KIAA1549L: variants seen among roughly 807,000 people sequenced by gnomAD.
The protein encoded by KIAA1549L is KIAA1549 like, also known as UPF0606 protein KIAA1549L.
In KIAA1549L, 88 loss-of-function variants were observed where a neutral mutation model predicts 160.7. The observed-to-expected ratio is 0.55, with a 90% CI of 0.46 to 0.65. The LOEUF (loss-of-function observed/expected upper bound fraction) is 0.65, where lower values mean the gene tolerates loss of function less well. KIAA1549L is among the 30% of genes least tolerant of loss of function. KIAA1549L has a pLI of 0.00. For missense variants in KIAA1549L, 2,258 were observed against 2,437.5 expected (o/e 0.93, Z 1.55); for synonymous variants, 950 against 976.7 (o/e 0.97, Z 0.51).
intron 16 of KIAA1549L, among the ~76,000 whole-genome samples, chr11:33,633,021 G>A (rs1851340500): frequency 6.6e-6 from 1 of 151,822 alleles, no homozygotes; most frequent in Non-Finnish European, 1.5e-5. Context: ...TGTTGCCCAG[G>A]CTGGAGTGCA....
chr11:33,384,573 T>C (rs930096202), intron 1 of KIAA1549L, among the ~76,000 whole-genome samples: 2 of 152,260 alleles, frequency 1.3e-5, no homozygotes, highest in African/African-American at 4.8e-5. Flanking sequence ...ATGAGAGTTC[T>C]AGTTGTTCCT....
intron 1 of KIAA1549L, among the ~76,000 whole-genome samples, chr11:33,405,970 TATAGGAAGG>T (rs1850642114): frequency 6.6e-6 from 1 of 151,972 alleles, no homozygotes; most frequent in South Asian, 2.1e-4. Context: ...CCTGGTCTAC[TATAGGAAGG>T]TTAATGGGTT....
intron 20 of KIAA1549L, among the ~76,000 whole-genome samples, chr11:33,662,820 G>A (rs1469409507): frequency 6.6e-6 from 1 of 152,106 alleles, no homozygotes; most frequent in African/African-American, 2.4e-5. Context: ...GCTCATAATT[G>A]CCTTAAAGAT....
intron 1 of KIAA1549L, among the ~76,000 whole-genome samples, chr11:33,419,897 CATACATACATAT>C (rs1178130491): frequency 9.9e-5 from 10 of 101,246 alleles, no homozygotes; most frequent in African/African-American, 3.0e-4. Flanking sequence ...TACATACATA[CATACATACATAT>C]ATATATATGA....
At chr11:33,561,191 G>A (rs1452720869) in intron 7 of KIAA1549L, among the ~76,000 whole-genome samples, 2 of 152,178 alleles carry the variant, frequency 1.3e-5, no homozygotes, top group African/African-American at 4.8e-5. Context: ...GTTAGTGATG[G>A]TCAGATGATT....
intron 1 of KIAA1549L, among the ~76,000 whole-genome samples, chr11:33,407,585 G>A (rs1590224844): frequency 6.6e-6 from 1 of 152,144 alleles, no homozygotes; most frequent in East Asian, 1.9e-4. Flanking sequence ...GTGACCTCAA[G>A]TGATCTGCCC....
chr11:33,573,670 A>G (rs111383126), intron 9 of KIAA1549L, among the ~76,000 whole-genome samples: 3,066 of 152,272 alleles, frequency 0.02, 107 homozygotes, highest in African/African-American at 0.07. Flanking sequence ...CATAATCTGT[A>G]ATATAAACTT....
At chr11:33,383,937 G>A (rs1850122807) in intron 1 of KIAA1549L, among the ~76,000 whole-genome samples, 2 of 152,200 alleles carry the variant, frequency 1.3e-5, no homozygotes, top group African/African-American at 4.8e-5. Flanking sequence ...ACACTCATCA[G>A]CCACCATCTT....
chr11:33,503,920 G>C (rs1449944231), intron 1 of KIAA1549L, among the ~76,000 whole-genome samples: 1 of 152,216 alleles, frequency 6.6e-6, no homozygotes, highest in African/African-American at 2.4e-5. Context: ...CAGCTCTGAT[G>C]ACATTCACAA....
At chr11:33,626,131 G>T (rs1275709763) in intron 16 of KIAA1549L, among the ~76,000 whole-genome samples, 2 of 148,632 alleles carry the variant, frequency 1.3e-5, no homozygotes, top group Non-Finnish European at 3.0e-5. Flanking sequence ...CTCTGTTTTG[G>T]TACCAGTACC....
chr11:33,421,858 C>T (rs916880917), intron 1 of KIAA1549L, among the ~76,000 whole-genome samples: 1 of 152,106 alleles, frequency 6.6e-6, no homozygotes, highest in Non-Finnish European at 1.5e-5. Flanking sequence ...TTTGTTAAAA[C>T]ACAGATTGCT....
At chr11:33,653,745 G>T (rs1277541623) in intron 17 of KIAA1549L, among the ~76,000 whole-genome samples, 1 of 151,946 alleles carries the variant, frequency 6.6e-6, no homozygotes, top group East Asian at 1.9e-4. Flanking sequence ...CATCCTCTGT[G>T]TCTTGTATTT....
intron 1 of KIAA1549L, among the ~76,000 whole-genome samples, chr11:33,496,871 A>G (rs554333257): frequency 1.3e-5 from 2 of 152,140 alleles, no homozygotes; most frequent in Non-Finnish European, 2.9e-5. Context: ...CTTACTTTGT[A>G]TAATTCTTCC....
In KIAA1549L at chr11:33,399,926, C is replaced by T. The variant is rs150503318; in HGVS notation, c.238+23037C>T. On this transcript the variant is annotated intron_variant, in intron 1 of 20. Transcript: ENST00000658780. ...TTTGTGGACTCAGCTTTTTAGCTAACGGTGTTGTGAAGCCAGCCCTTGCTA... is the reference window on the plus strand; with the variant it reads ...TTTGTGGACTCAGCTTTTTAGCTAATGGTGTTGTGAAGCCAGCCCTTGCTA... Among the ~76,000 whole-genome samples the T allele has an allele frequency of 4.9e-3, 743 of 152,264 alleles. 1 individual carries two copies. The highest frequency in any genetic ancestry group is 0.016 in the African/African-American group (672 of 41,552).
rs147767570 is a variant in KIAA1549L, at chr11:33,596,846, C to T, written c.4752-1974C>T. Among the ~76,000 whole-genome samples the T allele has an allele frequency of 8.5e-5, 13 of 152,106 alleles. No homozygotes were observed. The East Asian group carries it at 1.9e-3, about 23-fold the overall frequency. On this transcript the variant is annotated intron_variant, in intron 12 of 20. Coordinates refer to ENST00000658780, the MANE Select transcript of KIAA1549L (RefSeq NM_012194.3). ...AAATTAAAGCCTTTTGTACCAGTGC[C>T]GCCAGTTGGGAGAGTAGGTGCCATT...
intron 1 of KIAA1549L, among the ~76,000 whole-genome samples, chr11:33,531,594 G>C (rs1191892134): frequency 6.6e-6 from 1 of 152,212 alleles, no homozygotes; most frequent in Non-Finnish European, 1.5e-5. Context: ...AAAGAGCTTT[G>C]AAAGTTAAAA....
intron 3 of KIAA1549L, among the ~76,000 whole-genome samples, chr11:33,546,122 A>AT (rs1182347501): frequency 6.6e-6 from 1 of 152,222 alleles, no homozygotes; most frequent in Non-Finnish European, 1.5e-5. Context: ...AATGTTTGCT[A>AT]TAAAAAAAAT....
intron 1 of KIAA1549L, among the ~76,000 whole-genome samples, chr11:33,535,724 G>A (rs1853879774): frequency 6.6e-6 from 1 of 152,076 alleles, no homozygotes; most frequent in Non-Finnish European, 1.5e-5. Flanking sequence ...TACCCAAAGA[G>A]AGTGGATCAC....
At chr11:33,608,224 C>T (rs1850558914) in intron 14 of KIAA1549L, among the ~76,000 whole-genome samples, 1 of 152,202 alleles carries the variant, frequency 6.6e-6, no homozygotes, top group African/African-American at 2.4e-5. Context: ...TAAAATAGGG[C>T]TGCTGTGAAG....
Sources: allele counts gnomAD v4.1 joint callset (sites outside exome capture counted in the v4.1 genomes callset), GRCh38; gene constraint gnomAD v4.1.1; transcripts MANE v1.5; gene names NCBI Gene and HGNC (gene_info 2026-07-23, HGNC 2026-07-21).